Variants in C19orf44 observed in about 807,000 individuals in gnomAD.
C19orf44 encodes the protein chromosome 19 open reading frame 44.
Under a neutral mutation model 50.7 loss-of-function variants are expected in C19orf44, and 43 were observed. The ratio of observed to expected loss-of-function variants is 0.85; its 90% confidence interval spans 0.66 to 1.09. The LOEUF (loss-of-function observed/expected upper bound fraction) is 1.09. Among genes scored for constraint, C19orf44 ranks in the 50% least tolerant of loss-of-function variants. The pLI, the probability that C19orf44 is intolerant of heterozygous loss-of-function variation, is 0.00. For synonymous variants in C19orf44, 298 were observed against 334.7 expected (o/e 0.89, Z 1.20); for missense variants, 722 against 836.2 (o/e 0.86, Z 1.68).
intron 7 of C19orf44, among the ~76,000 whole-genome samples, chr19:16,516,924 G>GCAGCCCACCATAGCTC (rs1447067887): frequency 6.6e-6 from 1 of 152,230 alleles, no homozygotes; most frequent in Non-Finnish European, 1.5e-5. Flanking sequence ...CCACCTGGCT[G>GCAGCCCACCATAGCTC]CAGCCCACCA....
In C19orf44 at chr19:16,512,868, A is replaced by G. The variant is rs1163464147; in HGVS notation, c.1640-146A>G. 29 of 699,984 alleles carry G rather than the reference A, an allele frequency of 4.1e-5. No homozygotes were observed. In the African/African-American group the frequency reaches 4.7e-4, roughly 11 times the overall value. 43.4% of individuals were successfully genotyped at this position (699,984 alleles called of 1,614,324 possible). On this transcript the variant is annotated intron_variant, in intron 5 of 8. Transcript: ENST00000221671. The stretch of plus-strand genomic sequence containing the variant: ...GCAAGACCCTGTCTCAAACCAAAAA[A>G]AAAAAAAAAAAATGCAAGAGTGGCG...
chr19:16,504,941 C>G (rs1485845342), intron 3 of C19orf44, among the ~76,000 whole-genome samples: 3 of 151,778 alleles, frequency 2.0e-5, no homozygotes, highest in Non-Finnish European at 4.4e-5. Context: ...GCCTCAGCCT[C>G]CCAAGTAGCT....
At chr19:16,517,170 C>T (rs922753361) in intron 7 of C19orf44, 60 bp from the exon 8 acceptor site, 6 of 1,501,082 alleles carry the variant, frequency 4.0e-6, no homozygotes, top group African/African-American at 2.8e-5. Context: ...CTCCAGCACC[C>T]TGTCTCAGAG....
intron 4 of C19orf44, among the ~76,000 whole-genome samples, chr19:16,507,989 T>C (rs1022535741): frequency 6.6e-6 from 1 of 151,174 alleles, no homozygotes; most frequent in African/African-American, 2.4e-5. Context: ...GTATTTTTAG[T>C]AGAGATGGGG....
At chr19:16,501,657 A>C in intron 2 of C19orf44, 106 bp downstream of exon 2, 1 of 813,738 alleles carries the variant, frequency 1.2e-6, no homozygotes, top group East Asian at 3.5e-5. Flanking sequence ...CAATGGCACG[A>C]TCTCTGCTCA....
chr19:16,510,564 G>C (rs1041646419), intron 5 of C19orf44, among the ~76,000 whole-genome samples: 2 of 152,058 alleles, frequency 1.3e-5, no homozygotes, highest in African/African-American at 2.4e-5. Context: ...TTCACGGGGG[G>C]ACTCCAGCAA....
rs752485439 is a variant in C19orf44, at chr19:16,503,150, C to T, written c.845C>T (p.Ser282Phe). 6.2e-7 allele frequency: 1 copy of T among 1,614,170 alleles called. No homozygotes were observed. The change falls in exon 3 of 9, where the codon TCC (serine) becomes TTC (phenylalanine). Residue 282 changes from serine to phenylalanine, a missense_variant. Coordinates refer to ENST00000221671, the MANE Select transcript of C19orf44 (RefSeq NM_032207.4). ...TCTCAGACATCACACCTGCCAACCT[C>T]CCTGGCAGCAGACAGAACCCTTCAC... is the stretch of plus-strand genomic sequence containing the variant. ...KPSQTSHLPT[S>F]LAADRTLHST...
rs559165960 is a variant in C19orf44, at chr19:16,514,432, G to T, written c.1736-65G>T. 3.7e-4 allele frequency: 378 copies of T among 1,012,662 alleles called. 1 individual carries two copies. The East Asian group carries it at 7.4e-3, about 20-fold the overall frequency. 62.7% of individuals were successfully genotyped at this position (1,012,662 alleles called of 1,614,324 possible). On this transcript the variant is annotated intron_variant, in intron 6 of 8. Transcript: ENST00000221671. ...GAGAGCAGCCTGGCACCTGAGCGGT[G>T]GGGGGGGGGCTGCAGAATTTGTGGG...
rs1568498815 is a variant in C19orf44, at chr19:16,512,993, CT to C, written c.1640-20del. 9 of 1,608,292 alleles carry C rather than the reference CT, an allele frequency of 5.6e-6. No homozygotes were observed. The South Asian group carries it at 9.9e-5, about 18-fold the overall frequency. On this transcript the variant is annotated intron_variant, in intron 5 of 8. Transcript: ENST00000221671. ...TTCTCTGCGTCCTGCCTGCTTACCC[CT>C]CTCTTTGTCCCCGAGATAGTGGCCA...
intron 8 of C19orf44, 81 bp downstream of exon 8, chr19:16,517,422 T>TG (rs2085550864): frequency 1.0e-6 from 1 of 963,210 alleles, no homozygotes; most frequent in African/African-American, 1.6e-5. Context: ...CGTTCCGTGG[T>TG]GGGGGCAGGT....
rs761503718 is a variant in C19orf44 at position 16,509,811 on chromosome 19, A to T, written c.1462A>T (p.Lys488Ter). The change falls in exon 5 of 9, where the codon AAG becomes TAG. Residue 488 changes from lysine to a stop codon, truncating the protein, a stop_gained. Transcript: ENST00000221671. LOFTEE classifies it high-confidence loss of function. ...AGCATCTGAGCCAACCGCCCATTCC[A>T]AGGAGTCTCTTGACAGAACACTGGA... is the stretch of plus-strand genomic sequence containing the variant. ...LTASEPTAHS[K>*]ESLDRTLDAL... 7 of 1,614,140 alleles carry T rather than the reference A, an allele frequency of 4.3e-6. No homozygotes were observed. In the African/African-American group the frequency reaches 9.3e-5, roughly 22 times the overall value.
chr19:16,503,408 T>C, intron 3 of C19orf44, 28 bp downstream of exon 3: 2 of 1,584,348 alleles, frequency 1.3e-6, no homozygotes, highest in South Asian at 2.3e-5. Context: ...GCAAAGCCAG[T>C]ACCTTGGGCA....
Position 16,519,138 on chromosome 19 carries a change from CG to C in C19orf44, c.*41-955del. ...CACAGCCGGCACCGCTGGCCACCGG[CG>C]CGGCTCCCGGCATGGGCGCCTACTT... On this transcript the variant is annotated intron_variant, in intron 8 of 8. Coordinates refer to ENST00000221671, the MANE Select transcript of C19orf44 (RefSeq NM_032207.4). The surrounding 1 kb of genome is among the most constrained non-coding windows in gnomAD (Gnocchi z 6.0). 6.2e-7 allele frequency: 1 copy of C among 1,603,684 alleles called. No homozygotes were observed. The highest frequency in any genetic ancestry group is 8.5e-7 in the Non-Finnish European group (1 of 1,175,536).
At position 16,510,002 on chromosome 19, in the gene C19orf44, C is replaced by T; in HGVS notation, c.1639+14C>T. The T allele has an allele frequency of 6.2e-7, 1 of 1,614,012 alleles. No homozygotes were observed. The highest frequency in any genetic ancestry group is 1.1e-5 in the South Asian group (1 of 91,080). ...AGTGGACCAAGGGTAAGCCTTGGGG[C>T]CCGTGGGGGCCGGGGCAGCCGGGAC... On this transcript the variant is annotated intron_variant, in intron 5 of 8. Coordinates refer to ENST00000221671, the MANE Select transcript of C19orf44 (RefSeq NM_032207.4).
intron 6 of C19orf44, 80 bp downstream of exon 6, chr19:16,513,189 G>T: frequency 7.1e-7 from 1 of 1,400,402 alleles, no homozygotes; most frequent in South Asian, 1.2e-5. Context: ...CCACTCTGGA[G>T]GTGTGGCACC....
Position 16,517,212 on chromosome 19 carries a change from C to G in C19orf44, c.1903-18C>G. The G allele has an allele frequency of 6.2e-7, 1 of 1,612,480 alleles. No individual in the cohort carries two copies. The highest frequency in any genetic ancestry group is 8.5e-7 in the Non-Finnish European group (1 of 1,178,802). On this transcript the variant is annotated intron_variant, in intron 7 of 8. Coordinates refer to ENST00000221671, the MANE Select transcript of C19orf44 (RefSeq NM_032207.4). ...GAGGTGACGATGGTGATGGCGTGGT[C>G]TGTTCTCTGCCTGACAGTACATTAG...
chr19:16,506,791 C>A lies in C19orf44; in HGVS notation c.1149+17C>A. 6.4e-7 allele frequency: 1 copy of A among 1,551,270 alleles called. No individual in the cohort carries two copies. Among genetic ancestry groups the A allele is most frequent in the Non-Finnish European group, 8.8e-7 (1 of 1,141,010 alleles). Reference sequence around the variant, plus strand: ...GAACAGGAAGTAAGTACAACAAAGTCATTTTTCATGGTCGATTGTTTTTGG... The same window carrying A: ...GAACAGGAAGTAAGTACAACAAAGTAATTTTTCATGGTCGATTGTTTTTGG... On this transcript the variant is annotated intron_variant, in intron 4 of 8. Transcript: ENST00000221671.
chr19:16,512,107 G>GC (rs990276300), intron 5 of C19orf44, among the ~76,000 whole-genome samples: 1 of 151,870 alleles, frequency 6.6e-6, no homozygotes, highest in African/African-American at 2.4e-5. Flanking sequence ...AGCCTGACGG[G>GC]CCCCCCAGGA....
rs1387222702 is a variant in C19orf44 at position 16,509,838 on chromosome 19, G to A, written c.1489G>A (p.Ala497Thr). The A allele has an allele frequency of 6.2e-6, 10 of 1,614,126 alleles. No homozygotes were observed. The highest frequency in any genetic ancestry group is 4.4e-5 in the South Asian group (4 of 91,096). ...GGAGTCTCTTGACAGAACACTGGAC[G>A]CTTTGTCTGAATCCTCTTCAAGTGT... is the stretch of plus-strand genomic sequence containing the variant. ...SKESLDRTLD[A>T]LSESSSSVKT... Residue 497 changes from alanine to threonine, a missense_variant, in exon 5 of 9, where the codon GCT becomes ACT. Ala to Thr is a moderately conservative substitution (Grantham distance 58). Transcript: ENST00000221671.
Sources: gnomAD v4.1 joint callset for allele counts (sites outside exome capture counted in the v4.1 genomes callset) on GRCh38, gnomAD v4.1.1 for gene constraint, Gnocchi (gnomAD v3.1) non-coding constraint, MANE v1.5 for transcripts, NCBI Gene and HGNC (gene_info 2026-07-23, HGNC 2026-07-21) for gene names.